KIAA1549L: variants seen among roughly 807,000 people sequenced by gnomAD.
KIAA1549L encodes UPF0606 protein KIAA1549L.
In KIAA1549L, 88 loss-of-function variants were observed where a neutral mutation model predicts 160.7. That is an observed-to-expected ratio of 0.55 (90% CI 0.46 to 0.65). The LOEUF (loss-of-function observed/expected upper bound fraction) is 0.65, where lower values mean the gene tolerates loss of function less well. KIAA1549L is among the 30% of genes least tolerant of loss of function. The pLI is 0.00. For missense variants in KIAA1549L, 2,258 were observed against 2,437.5 expected, an observed-to-expected ratio of 0.93 and a Z score of 1.55; for synonymous variants, 950 against 976.7, an observed-to-expected ratio of 0.97 and a Z score of 0.51.
Position 33,511,121 on chromosome 11 carries a change from T to A in KIAA1549L, c.239-30681T>A, listed in dbSNP as rs181554887. 1.3e-5 allele frequency among the ~76,000 whole-genome samples: 2 copies of A among 152,366 alleles called. 1 individual carries two copies. Among genetic ancestry groups the A allele is most frequent in the East Asian group, 3.9e-4 (2 of 5,192 alleles). ...CAGCCAATCAGATGTACTTCTGTGA[T>A]GCCCAGAAACAGAGGCCAAGCTTCT... is the stretch of plus-strand genomic sequence containing the variant. On this transcript the variant is annotated intron_variant, in intron 1 of 20. Coordinates refer to ENST00000658780, the MANE Select transcript of KIAA1549L (RefSeq NM_012194.3).
chr11:33,628,721 G>C (rs1427490337), intron 16 of KIAA1549L, among the ~76,000 whole-genome samples: 1 of 149,148 alleles, frequency 6.7e-6, no homozygotes, highest in Non-Finnish European at 1.5e-5. Context: ...CACACTGATG[G>C]GTCTTGACTC....
chr11:33,431,638 G>T (rs1056954940), intron 1 of KIAA1549L, among the ~76,000 whole-genome samples: 11 of 152,226 alleles, frequency 7.2e-5, no homozygotes, highest in Admixed American at 2.6e-4. Flanking sequence ...AGACATAAAG[G>T]TTCTCCAAGG....
intron 1 of KIAA1549L, chr11:33,403,320 C>CACGGACAT: frequency 1.1e-5 from 1 of 87,106 alleles, no homozygotes; most frequent in African/African-American, 4.1e-5. Context: ...GACACAGACA[C>CACGGACAT]ACACGGACAC....
chr11:33,601,760 T>A (rs1850371622), intron 13 of KIAA1549L, among the ~76,000 whole-genome samples: 1 of 152,232 alleles, frequency 6.6e-6, no homozygotes. Context: ...TAGCTTCCAA[T>A]CTTTTTCTTT....
intron 1 of KIAA1549L, among the ~76,000 whole-genome samples, chr11:33,396,211 G>A (rs1318757108): frequency 6.6e-6 from 1 of 152,122 alleles, no homozygotes; most frequent in East Asian, 1.9e-4. Context: ...CCTATTACAG[G>A]ACCATCAGAC....
At chr11:33,576,602 G>A (rs1350572379) in intron 10 of KIAA1549L, among the ~76,000 whole-genome samples, 4 of 152,132 alleles carry the variant, frequency 2.6e-5, no homozygotes, top group African/African-American at 7.2e-5. Flanking sequence ...GTGTCCAGGC[G>A]AGAGCTGAAG....
chr11:33,541,416 T>C lies in KIAA1549L; in HGVS notation c.239-386T>C, dbSNP rs73490808. Among the ~76,000 whole-genome samples, 1,309 of 152,316 alleles carry C rather than the reference T, an allele frequency of 8.6e-3. 21 individuals carry two copies. The highest frequency in any genetic ancestry group is 0.03 in the African/African-American group (1,251 of 41,562). Reference sequence around the variant, plus strand: ...GATTCGTGCTTGAATACACAGTTCTTCTTTAGTTTCGTGCATTTTGGTTTC... The same window carrying C: ...GATTCGTGCTTGAATACACAGTTCTCCTTTAGTTTCGTGCATTTTGGTTTC... On this transcript the variant is annotated intron_variant, in intron 1 of 20. Transcript: ENST00000658780.
chr11:33,377,249 C>T (rs1052319123), intron 1 of KIAA1549L, among the ~76,000 whole-genome samples: 10 of 152,094 alleles, frequency 6.6e-5, no homozygotes, highest in African/African-American at 2.4e-4. Context: ...TGTTGAGTGT[C>T]CACTTTGTCT....
intron 16 of KIAA1549L, among the ~76,000 whole-genome samples, chr11:33,642,120 G>A (rs1324586817): frequency 6.6e-6 from 1 of 152,136 alleles, no homozygotes; most frequent in Non-Finnish European, 1.5e-5. Flanking sequence ...AATAGGAGGA[G>A]TATGGCATCT....
intron 1 of KIAA1549L, among the ~76,000 whole-genome samples, chr11:33,533,327 T>G (rs188060255): frequency 6.6e-6 from 1 of 152,294 alleles, no homozygotes; most frequent in African/African-American, 2.4e-5. Context: ...ATGTGGTTCC[T>G]GAGATGTGGG....
chr11:33,524,608 G>T (rs1280626605), intron 1 of KIAA1549L, among the ~76,000 whole-genome samples: 1 of 152,034 alleles, frequency 6.6e-6, no homozygotes, highest in Non-Finnish European at 1.5e-5. Flanking sequence ...TTTCCTCTAG[G>T]TATAGCTTTT....
At chr11:33,568,720 C>T (rs773699517) in intron 9 of KIAA1549L, among the ~76,000 whole-genome samples, 8 of 152,182 alleles carry the variant, frequency 5.3e-5, no homozygotes, top group Non-Finnish European at 1.0e-4. Context: ...CACCTGGCCA[C>T]GTAGAGATTT....
chr11:33,538,465 G>A (rs1003258548), intron 1 of KIAA1549L, among the ~76,000 whole-genome samples: 2 of 152,082 alleles, frequency 1.3e-5, no homozygotes, highest in Non-Finnish European at 2.9e-5. Flanking sequence ...GTACTAGCAC[G>A]TATCAGTTTC....
intron 16 of KIAA1549L, among the ~76,000 whole-genome samples, chr11:33,634,403 G>A (rs1851385000): frequency 2.0e-5 from 3 of 152,198 alleles, no homozygotes; most frequent in Non-Finnish European, 4.4e-5. Context: ...CTCCAAGGGT[G>A]CCTTTCTCCA....
chr11:33,520,555 G>T (rs1319363057), intron 1 of KIAA1549L, among the ~76,000 whole-genome samples: 1 of 152,026 alleles, frequency 6.6e-6, no homozygotes, highest in Non-Finnish European at 1.5e-5. Context: ...TCAAGTAAGG[G>T]CATTAACAAA....
At chr11:33,563,857 A>T (rs1369623224) in intron 8 of KIAA1549L, among the ~76,000 whole-genome samples, 2 of 152,204 alleles carry the variant, frequency 1.3e-5, no homozygotes, top group Non-Finnish European at 2.9e-5. Context: ...ACATTAAATG[A>T]TAACTCATTC....
Position 33,502,426 on chromosome 11 carries a change from T to C in KIAA1549L, c.239-39376T>C, listed in dbSNP as rs909270069. 3.3e-5 allele frequency among the ~76,000 whole-genome samples: 5 copies of C among 152,338 alleles called. No individual in the cohort carries two copies. In the East Asian group the frequency reaches 5.8e-4, roughly 18 times the overall value. On this transcript the variant is annotated intron_variant, in intron 1 of 20. Coordinates refer to ENST00000658780, the MANE Select transcript of KIAA1549L (RefSeq NM_012194.3). ...TCTGTGGAAAAGAAACGTGGTGATA[T>C]TTGAACTGGCTTCTCCCTAATCTGT...
Position 33,403,296 on chromosome 11 carries a change from C to CGCAGACACACAG in KIAA1549L, c.238+26407_238+26408insGCAGACACACAG, listed in dbSNP as rs1244409032. 55 of 82,988 alleles carry CGCAGACACACAG rather than the reference C, an allele frequency of 6.6e-4. 1 individual carries two copies. Among genetic ancestry groups the CGCAGACACACAG allele is most frequent in the South Asian group, 6.3e-3 (12 of 1,896 alleles). The allele number at this position is 82,988 out of a possible 1,614,324, so 5.1% of individuals were successfully genotyped here. A position where few individuals can be genotyped will look rare whatever the true frequency, so the allele number is the denominator to read the frequency against. The stretch of plus-strand genomic sequence containing the variant: ...ACACAGACACAGACACACACACACA[C>CGCAGACACACAG]ACACGCATACACGGACACAGACACA... On this transcript the variant is annotated intron_variant, in intron 1 of 20. Transcript: ENST00000658780.
At chr11:33,557,997 A>G (rs116873525) in intron 6 of KIAA1549L, among the ~76,000 whole-genome samples, 2,003 of 152,322 alleles carry the variant, frequency 0.013, 18 homozygotes, top group Non-Finnish European at 0.021. Context: ...GCTCTTCCCA[A>G]TAGTTTCCTG....
Sources: allele counts gnomAD v4.1 joint callset (sites outside exome capture counted in the v4.1 genomes callset), GRCh38; gene constraint gnomAD v4.1.1; transcripts MANE v1.5; gene names NCBI Gene and HGNC (gene_info 2026-07-23, HGNC 2026-07-21).